Variants in PARD3 observed in about 807,000 individuals in gnomAD.
The protein encoded by PARD3 is partitioning defective 3 homolog.
In PARD3, 75 loss-of-function variants were observed where a neutral mutation model predicts 155.4. That is an observed-to-expected ratio of 0.48 (90% confidence interval 0.40 to 0.58). The LOEUF (loss-of-function observed/expected upper bound fraction) is 0.58, where lower values mean the gene tolerates loss of function less well. PARD3 is among the 20% of genes least tolerant of loss of function. PARD3 has a pLI of 0.00. For synonymous variants in PARD3, 576 were observed against 610.5 expected (o/e 0.94, Z 0.83); for missense variants, 1,642 against 1,721.7 (o/e 0.95, Z 0.82).
At chr10:34,519,753 G>A (rs987955982) in intron 2 of PARD3, among the ~76,000 whole-genome samples, 1 of 152,018 alleles carries the variant, frequency 6.6e-6, no homozygotes, top group Non-Finnish European at 1.5e-5. Context: ...GGCGGAGGGT[G>A]CAGTGAGCCA....
At chr10:34,424,279 T>C (rs1383581514) in intron 5 of PARD3, among the ~76,000 whole-genome samples, 2 of 152,096 alleles carry the variant, frequency 1.3e-5, no homozygotes, top group South Asian at 2.1e-4. Context: ...TGAACAGAGA[T>C]TTTAGTAGCA....
chr10:34,470,640 C>T (rs2078289276), intron 3 of PARD3, among the ~76,000 whole-genome samples: 1 of 152,126 alleles, frequency 6.6e-6, no homozygotes, highest in South Asian at 2.1e-4. Context: ...AGGGGTTAAA[C>T]AGTGCTAGAC....
intron 22 of PARD3, among the ~76,000 whole-genome samples, chr10:34,241,781 G>A (rs897180814): frequency 6.6e-6 from 1 of 152,128 alleles, no homozygotes; most frequent in Non-Finnish European, 1.5e-5. Context: ...AACGCCAGAA[G>A]AAATGGACCC....
chr10:34,749,458 G>A (rs1363871097), intron 1 of PARD3, among the ~76,000 whole-genome samples: 1 of 150,600 alleles, frequency 6.6e-6, no homozygotes, highest in Non-Finnish European at 1.5e-5. Context: ...AAAAATGAAG[G>A]TTATAAAAAA....
intron 12 of PARD3, among the ~76,000 whole-genome samples, chr10:34,367,701 A>G (rs1057122353): frequency 3.9e-5 from 6 of 151,938 alleles, no homozygotes; most frequent in Non-Finnish European, 7.4e-5. Flanking sequence ...AGACTTGGTC[A>G]CACACACACA....
intron 20 of PARD3, among the ~76,000 whole-genome samples, chr10:34,297,471 C>T (rs1956960971): frequency 6.6e-6 from 1 of 152,200 alleles, no homozygotes; most frequent in Non-Finnish European, 1.5e-5. Flanking sequence ...TAGCACACTG[C>T]TGGCAGAAAT....
intron 1 of PARD3, among the ~76,000 whole-genome samples, chr10:34,790,466 G>A (rs893742939): frequency 6.6e-6 from 1 of 152,192 alleles, no homozygotes; most frequent in African/African-American, 2.4e-5. Context: ...CCCCTGATAA[G>A]GCTAGCAAGC....
At chr10:34,690,098 C>G (rs895634595) in intron 2 of PARD3, among the ~76,000 whole-genome samples, 59 of 152,252 alleles carry the variant, frequency 3.9e-4, no homozygotes, top group African/African-American at 1.1e-3. Flanking sequence ...CACATGCCAC[C>G]ACACCCAGCT....
intron 5 of PARD3, among the ~76,000 whole-genome samples, chr10:34,438,362 C>CT (rs1195433363): frequency 6.6e-6 from 1 of 152,010 alleles, no homozygotes; most frequent in Admixed American, 6.6e-5. Context: ...TATGCAGATG[C>CT]TAAGTTATAA....
chr10:34,464,724 T>C (rs1423656012), intron 4 of PARD3, among the ~76,000 whole-genome samples: 1 of 152,190 alleles, frequency 6.6e-6, no homozygotes, highest in African/African-American at 2.4e-5. Flanking sequence ...TTATGAGGCA[T>C]AGGAAAATTC....
chr10:34,125,653 C>T (rs1306756550), intron 23 of PARD3, among the ~76,000 whole-genome samples: 1 of 152,096 alleles, frequency 6.6e-6, no homozygotes, highest in Non-Finnish European at 1.5e-5. Flanking sequence ...GCAGGGAGAG[C>T]TATTAAAGTC....
Position 34,192,649 on chromosome 10 carries a change from G to GT in PARD3, c.3420-61067dup, listed in dbSNP as rs200245692. ...GACTGGACTCACATGGCCCCAAAGAGTAAAGGTGACCTCCTGGACGTCAGA... is the reference window on the plus strand; with the variant it reads ...GACTGGACTCACATGGCCCCAAAGAGTTAAAGGTGACCTCCTGGACGTCAGA... On this transcript the variant is annotated intron_variant, in intron 22 of 24. Coordinates refer to ENST00000374788, the MANE Select transcript of PARD3 (RefSeq NM_001184785.2). 2.8e-4 allele frequency among the ~76,000 whole-genome samples: 43 copies of GT among 152,304 alleles called. No individual in the cohort carries two copies. In the East Asian group the frequency reaches 8.1e-3, roughly 29 times the overall value.
At position 34,223,527 on chromosome 10, in the gene PARD3, G is replaced by A. The variant is rs141488266; in HGVS notation, c.3419+46130C>T. 2.9e-3 allele frequency among the ~76,000 whole-genome samples: 435 copies of A among 152,250 alleles called. 7 individuals are homozygous for A. Among genetic ancestry groups the A allele is most frequent in the East Asian group, 0.027 (142 of 5,172 alleles). ...CTCAGGAGACTGCTTAGCTCTTTAC[G>A]TGGGGGAAGGCGAACAGGGTGAGAG... On this transcript the variant is annotated intron_variant, in intron 22 of 24. Transcript: ENST00000374788.
chr10:34,605,545 ATATATATATATCTCC>A lies in PARD3; in HGVS notation c.223-88401_223-88387del, dbSNP rs1162643910. Reference sequence around the variant, plus strand: ...TCTCCTATATATATCTCCTATATATATATATATATATCTCCTATATATATATATATCTCCTATATA... The same window carrying A: ...TCTCCTATATATATCTCCTATATATATATATATATATATATCTCCTATATA... On this transcript the variant is annotated intron_variant, in intron 2 of 24. Coordinates refer to ENST00000374788, the MANE Select transcript of PARD3 (RefSeq NM_001184785.2). Among the ~76,000 whole-genome samples the A allele has an allele frequency of 3.5e-3, 292 of 84,298 alleles. 88 individuals carry two copies. The highest frequency in any genetic ancestry group is 0.021 in the African/African-American group (241 of 11,592). 55.3% of individuals were successfully genotyped at this position (84,298 alleles called of 152,430 possible). A position where few individuals can be genotyped will look rare whatever the true frequency, so the allele number is the denominator to read the frequency against.
intron 1 of PARD3, among the ~76,000 whole-genome samples, chr10:34,776,117 G>A (rs1054391078): frequency 2.6e-5 from 4 of 152,036 alleles, no homozygotes; most frequent in Admixed American, 2.0e-4. Flanking sequence ...GGAAAAGTAC[G>A]AAGCCAATAA....
intron 4 of PARD3, among the ~76,000 whole-genome samples, chr10:34,469,172 G>C (rs892081417): frequency 3.9e-5 from 6 of 152,304 alleles, no homozygotes; most frequent in Non-Finnish European, 7.3e-5. Context: ...GTGCAGCGGC[G>C]TGATCTCGGC....
intron 2 of PARD3, among the ~76,000 whole-genome samples, chr10:34,542,032 C>G (rs2083643925): frequency 6.6e-6 from 1 of 152,048 alleles, no homozygotes. Flanking sequence ...AGCAACACCG[C>G]CCCTGGCCTA....
At chr10:34,765,089 T>C (rs922814010) in intron 1 of PARD3, among the ~76,000 whole-genome samples, 2 of 152,096 alleles carry the variant, frequency 1.3e-5, no homozygotes, top group South Asian at 2.1e-4. Context: ...AAAGTAAACA[T>C]AGTATTGAGA....
chr10:34,346,533 G>C lies in PARD3; in HGVS notation c.2218+1432C>G, dbSNP rs73256782. ...ATGCACACTCTCTCTCTCTCAAGGG[G>C]ACTGAAATTTCATCAACAAAAAAAT... On this transcript the variant is annotated intron_variant, in intron 15 of 24. Transcript: ENST00000374788. 1.6e-4 allele frequency: 202 copies of C among 1,265,466 alleles called. No individual in the cohort carries two copies. The African/African-American group carries it at 2.7e-3, about 17-fold the overall frequency. 78.4% of individuals were successfully genotyped at this position (1,265,466 alleles called of 1,614,324 possible).
Sources: allele counts gnomAD v4.1 joint callset (sites outside exome capture counted in the v4.1 genomes callset), GRCh38; gene constraint gnomAD v4.1.1; transcripts MANE v1.5; gene names NCBI Gene and HGNC (gene_info 2026-07-23, HGNC 2026-07-21).